Variants in JARID2 observed in about 807,000 individuals in gnomAD.
JARID2 encodes the protein jumonji and AT-rich interaction domain containing 2, also known as protein Jumonji.
JARID2 carries 21 observed loss-of-function variants against 125.6 expected under a neutral mutation model. The observed-to-expected ratio is 0.17, with a 90% confidence interval of 0.12 to 0.24. The LOEUF (loss-of-function observed/expected upper bound fraction) is 0.24. Ranked by LOEUF, JARID2 falls within the 10% of genes least tolerant of loss-of-function variation. The pLI is 1.00. For missense variants in JARID2, 1,303 were observed against 1,639.6 expected, an observed-to-expected ratio of 0.79 and a Z score of 3.55; for synonymous variants, 736 against 661.6, an observed-to-expected ratio of 1.11 and a Z score of -1.73.
chr6:15,334,117 G>T (rs1762805055), intron 1 of JARID2, among the ~76,000 whole-genome samples: 1 of 152,168 alleles, frequency 6.6e-6, no homozygotes, highest in Non-Finnish European at 1.5e-5. Context: ...GTGCAAACAG[G>T]AATTGATCTG....
At chr6:15,463,633 C>A (rs1303482491) in intron 4 of JARID2, among the ~76,000 whole-genome samples, 1 of 152,070 alleles carries the variant, frequency 6.6e-6, no homozygotes, top group South Asian at 2.1e-4. Flanking sequence ...AGTTTCGCCA[C>A]GTGGGCCTGG....
At chr6:15,297,078 T>C (rs1262283667) in intron 1 of JARID2, among the ~76,000 whole-genome samples, 1 of 152,250 alleles carries the variant, frequency 6.6e-6, no homozygotes, top group Non-Finnish European at 1.5e-5. Flanking sequence ...ATAGGTGTCG[T>C]GACAACCAGA....
In JARID2 at chr6:15,469,339, G is replaced by GTCTC. The variant is rs146456388; in HGVS notation, c.670+640_670+643dup. Among the ~76,000 whole-genome samples, 15 of 14,232 alleles carry GTCTC rather than the reference G, an allele frequency of 1.1e-3. 2 individuals are homozygous for GTCTC. The highest frequency in any genetic ancestry group is 2.4e-3 in the African/African-American group (6 of 2,544). The allele number at this position is 14,232 out of a possible 152,430, so 9.3% of individuals were successfully genotyped here. A position where few individuals can be genotyped will look rare whatever the true frequency, so the allele number is the denominator to read the frequency against. On this transcript the variant is annotated intron_variant, in intron 5 of 17. Transcript: ENST00000341776. ...CTCTGTCTCTCTCTCTCTCTCTCCT[G>GTCTC]TCTCTCTCTCTCTCTCTCTCTCCTC...
chr6:15,270,214 C>T (rs2127351157), intron 1 of JARID2, among the ~76,000 whole-genome samples: 1 of 152,304 alleles, frequency 6.6e-6, no homozygotes, highest in Non-Finnish European at 1.5e-5. Context: ...CTCACTGCAG[C>T]CTCCACCTCC....
At chr6:15,517,341 C>A (rs936598343) in intron 17 of JARID2, 73 bp downstream of exon 17, 1 of 1,046,052 alleles carries the variant, frequency 9.6e-7, no homozygotes, top group Non-Finnish European at 1.5e-6. Flanking sequence ...GATGTAGGCA[C>A]TCCGGCCTGG....
At chr6:15,333,082 A>G (rs1056297649) in intron 1 of JARID2, among the ~76,000 whole-genome samples, 71 of 149,952 alleles carry the variant, frequency 4.7e-4, no homozygotes, top group African/African-American at 1.7e-3. Context: ...ACAGGCGCCC[A>G]CCACCAGGCC....
intron 2 of JARID2, among the ~76,000 whole-genome samples, chr6:15,407,863 A>G (rs1412063621): frequency 6.6e-6 from 1 of 152,194 alleles, no homozygotes; most frequent in Non-Finnish European, 1.5e-5. Flanking sequence ...GTGCCCTGGC[A>G]TATAGTATTT....
At chr6:15,495,024 A>G (rs1330231827) in intron 6 of JARID2, among the ~76,000 whole-genome samples, 1 of 152,186 alleles carries the variant, frequency 6.6e-6, no homozygotes, top group African/African-American at 2.4e-5. Context: ...GGTGGTGGTT[A>G]TAAAACCCTG....
chr6:15,377,735 T>C (rs1017876981), intron 2 of JARID2, among the ~76,000 whole-genome samples: 4 of 152,038 alleles, frequency 2.6e-5, no homozygotes, highest in African/African-American at 9.7e-5. Flanking sequence ...GGTTTCACCA[T>C]GTTGGCCATG....
At chr6:15,504,397 G>A (rs575544813) in intron 8 of JARID2, 103 bp from the exon 9 acceptor site, 45 of 799,434 alleles carry the variant, frequency 5.6e-5, no homozygotes, top group South Asian at 1.7e-4. Context: ...GCCCACAGCC[G>A]CAGGGACGCC....
chr6:15,324,039 G>A (rs1047816173), intron 1 of JARID2, among the ~76,000 whole-genome samples: 5 of 151,820 alleles, frequency 3.3e-5, no homozygotes, highest in African/African-American at 7.3e-5. Flanking sequence ...AAAATTAGCC[G>A]GGCGTGGTGG....
At chr6:15,460,156 T>C (rs1223370278) in intron 4 of JARID2, among the ~76,000 whole-genome samples, 2 of 152,202 alleles carry the variant, frequency 1.3e-5, no homozygotes, top group African/African-American at 4.8e-5. Flanking sequence ...TGGGATAGTT[T>C]ATCAGTTAAT....
At chr6:15,260,627 C>T (rs988334756) in intron 1 of JARID2, among the ~76,000 whole-genome samples, 1 of 152,180 alleles carries the variant, frequency 6.6e-6, no homozygotes, top group East Asian at 1.9e-4. Context: ...TAAGAACTTG[C>T]AAAGCTTCAT....
intron 5 of JARID2, among the ~76,000 whole-genome samples, chr6:15,472,340 A>G (rs1769117342): frequency 6.6e-6 from 1 of 152,078 alleles, no homozygotes; most frequent in African/African-American, 2.4e-5. Flanking sequence ...AGCATACCCA[A>G]ACCAGCTGAG....
intron 3 of JARID2, among the ~76,000 whole-genome samples, chr6:15,418,459 C>T (rs533456983): frequency 7.6e-4 from 116 of 152,220 alleles, no homozygotes; most frequent in African/African-American, 2.4e-3. Flanking sequence ...CGTGATCGCC[C>T]GCCTCGTCCT....
At chr6:15,279,414 A>G (rs970905756) in intron 1 of JARID2, among the ~76,000 whole-genome samples, 1 of 152,156 alleles carries the variant, frequency 6.6e-6, no homozygotes, top group African/African-American at 2.4e-5. Flanking sequence ...CTGACTTTTC[A>G]TATGTGTATG....
At chr6:15,424,624 G>A (rs765892623) in intron 3 of JARID2, among the ~76,000 whole-genome samples, 1 of 152,142 alleles carries the variant, frequency 6.6e-6, no homozygotes, top group African/African-American at 2.4e-5. Flanking sequence ...TTGGGGGGCT[G>A]AGTTGGGCGG....
In JARID2 at chr6:15,281,924, CTGTGTGTGTG is replaced by C. The variant is rs3138771; in HGVS notation, c.45+35372_45+35381del. Among the ~76,000 whole-genome samples the C allele has an allele frequency of 9.9e-3, 1,450 of 146,232 alleles. 53 individuals are homozygous for C. In the East Asian group the frequency reaches 0.14, roughly 14 times the overall value. On this transcript the variant is annotated intron_variant, in intron 1 of 17. Transcript: ENST00000341776. ...AAGTGCAGGGTCCAGGGTATGTGCTCTGTGTGTGTGTGTGTGTGTGTGTGTGTGTGTGTGT... is the reference window on the plus strand; with the variant it reads ...AAGTGCAGGGTCCAGGGTATGTGCTCTGTGTGTGTGTGTGTGTGTGTGTGT...
chr6:15,497,881 C>T (rs1222147365), intron 7 of JARID2, among the ~76,000 whole-genome samples: 2 of 152,182 alleles, frequency 1.3e-5, no homozygotes, highest in Non-Finnish European at 2.9e-5. Flanking sequence ...CCAACAAGAC[C>T]TCCCTCCTTG....
Sources: allele counts gnomAD v4.1 joint callset (sites outside exome capture counted in the v4.1 genomes callset), GRCh38; gene constraint gnomAD v4.1.1; transcripts MANE v1.5; gene names NCBI Gene and HGNC (gene_info 2026-07-23, HGNC 2026-07-21).